AXDND1: variants seen among roughly 807,000 people sequenced by gnomAD.
The protein encoded by AXDND1 is axonemal dynein light chain domain-containing protein 1.
AXDND1 carries 110 observed loss-of-function variants against 137.5 expected under a neutral mutation model. The observed-to-expected ratio is 0.80, with a 90% confidence interval of 0.69 to 0.94. The LOEUF (loss-of-function observed/expected upper bound fraction) is 0.94, where lower values mean the gene tolerates loss of function less well. Ranked by LOEUF, AXDND1 falls within the 40% of genes least tolerant of loss-of-function variation. The pLI, the probability that AXDND1 is intolerant of heterozygous loss-of-function variation, is 0.00. For synonymous variants in AXDND1, 414 were observed against 399.7 expected, an observed-to-expected ratio of 1.04 and a Z score of -0.43; for missense variants, 1,191 against 1,169.8, an observed-to-expected ratio of 1.02 and a Z score of -0.26.
intron 16 of AXDND1, chr1:179,452,105 A>G (rs1280850092): frequency 2.0e-5 from 3 of 153,346 alleles, no homozygotes; most frequent in Non-Finnish European, 4.3e-5. Context: ...AATGATATGG[A>G]CAATGAAATC....
chr1:179,501,651 A>G (rs1351056411), intron 20 of AXDND1, among the ~76,000 whole-genome samples: 3 of 152,158 alleles, frequency 2.0e-5, no homozygotes, highest in Non-Finnish European at 2.9e-5. Context: ...GGCGGAGGTC[A>G]CAGTGAGCCA....
intron 9 of AXDND1, among the ~76,000 whole-genome samples, chr1:179,390,295 T>A (rs901542763): frequency 6.6e-6 from 1 of 152,226 alleles, no homozygotes; most frequent in African/African-American, 2.4e-5. Flanking sequence ...GTTACAGGTG[T>A]GAGCCATCAC....
intron 12 of AXDND1, among the ~76,000 whole-genome samples, chr1:179,418,722 C>A (rs1655130472): frequency 6.7e-6 from 1 of 149,994 alleles, no homozygotes; most frequent in Non-Finnish European, 1.5e-5. Context: ...GGGGGCTGAC[C>A]CCCACCTCCC....
intron 6 of AXDND1, among the ~76,000 whole-genome samples, chr1:179,382,146 T>C (rs1648461699): frequency 6.6e-6 from 1 of 151,778 alleles, no homozygotes; most frequent in African/African-American, 2.4e-5. Flanking sequence ...TGGCACGATC[T>C]CTGCTCACTG....
At chr1:179,479,753 G>A (rs963388986) in intron 17 of AXDND1, among the ~76,000 whole-genome samples, 4 of 151,928 alleles carry the variant, frequency 2.6e-5, no homozygotes, top group African/African-American at 4.8e-5. Flanking sequence ...CTTTAGCCTG[G>A]GCGACGGAGT....
chr1:179,505,821 T>C (rs535161311), intron 20 of AXDND1, among the ~76,000 whole-genome samples: 1 of 152,318 alleles, frequency 6.6e-6, no homozygotes, highest in South Asian at 2.1e-4. Context: ...CCAAGAGTAC[T>C]AAGGCAGTCC....
chr1:179,398,724 C>A (rs978402629), intron 11 of AXDND1, among the ~76,000 whole-genome samples: 3 of 152,028 alleles, frequency 2.0e-5, no homozygotes, highest in African/African-American at 7.2e-5. Context: ...TCACTCAGGG[C>A]AGGGGAGAGT....
chr1:179,483,024 A>G, intron 17 of AXDND1, 104 bp from the exon 18 acceptor site: 1 of 686,088 alleles, frequency 1.5e-6, no homozygotes, highest in African/African-American at 1.9e-5. Context: ...GTCAACATCT[A>G]AGTTTACAAT....
At chr1:179,489,616 T>C (rs1666605194) in intron 18 of AXDND1, among the ~76,000 whole-genome samples, 1 of 152,212 alleles carries the variant, frequency 6.6e-6, no homozygotes, top group Non-Finnish European at 1.5e-5. Context: ...AGGTTGCCCC[T>C]TTTCCTGATA....
Position 179,516,882 on chromosome 1 carries a change from A to C in AXDND1, c.2496+7479A>C, listed in dbSNP as rs993990303. Among the ~76,000 whole-genome samples, 45 of 152,000 alleles carry C rather than the reference A, an allele frequency of 3.0e-4. 1 individual carries two copies. Among genetic ancestry groups the C allele is most frequent in the Non-Finnish European group, 1.6e-4 (11 of 67,992 alleles). On this transcript the variant is annotated intron_variant, in intron 21 of 25. Coordinates refer to ENST00000367618, the MANE Select transcript of AXDND1 (RefSeq NM_144696.6). ...GGCAGCGGGGGTGAAACAGTTCGTGAGGGTTCTTAGCTTTGGTGGTTTAAT... is the reference window on the plus strand; with the variant it reads ...GGCAGCGGGGGTGAAACAGTTCGTGCGGGTTCTTAGCTTTGGTGGTTTAAT...
chr1:179,481,267 AATG>A (rs1665343880), intron 17 of AXDND1, among the ~76,000 whole-genome samples: 1 of 152,054 alleles, frequency 6.6e-6, no homozygotes, highest in Non-Finnish European at 1.5e-5. Context: ...GTTTGCTGAG[AATG>A]ATGGTTTCCA....
chr1:179,376,471 C>G (rs530710810), intron 4 of AXDND1, among the ~76,000 whole-genome samples: 1 of 152,248 alleles, frequency 6.6e-6, no homozygotes, highest in East Asian at 1.9e-4. Context: ...CTGTGTTGTT[C>G]AAGGGTCAAC....
At chr1:179,371,932 A>G (rs932988867) in intron 4 of AXDND1, among the ~76,000 whole-genome samples, 5 of 152,240 alleles carry the variant, frequency 3.3e-5, no homozygotes, top group African/African-American at 1.2e-4. Flanking sequence ...CCAAATGAGC[A>G]TAGAATTGGA....
rs1376363147 is a variant in AXDND1 at position 179,378,719 on chromosome 1, T to C, written c.457T>C (p.Ser153Pro). Residue 153 changes from serine (S) to proline (P), a missense_variant, in exon 5 of 26, where the codon TCA (serine) becomes CCA (proline). Physicochemically the swap from Ser to Pro is moderately conservative, Grantham distance 74 (BLOSUM62 -1). Coordinates refer to ENST00000367618, the MANE Select transcript of AXDND1 (RefSeq NM_144696.6). The part of the protein sequence containing the change: ...KAVCPPHLAR[S>P]LQSHDGVIVP... ...AGTTTGTCCCCCACATTTGGCCCGTTCATTACAGTCACATGATGGTGTCAT... is the reference window on the plus strand; with the variant it reads ...AGTTTGTCCCCCACATTTGGCCCGTCCATTACAGTCACATGATGGTGTCAT... The C allele has an allele frequency of 6.3e-7, 1 of 1,589,052 alleles. No homozygotes were observed. Among genetic ancestry groups the C allele is most frequent in the Non-Finnish European group, 8.6e-7 (1 of 1,166,006 alleles).
chr1:179,421,367 C>CTTTTTTTTTTTTT (rs199703017), intron 12 of AXDND1, among the ~76,000 whole-genome samples: 4 of 107,212 alleles, frequency 3.7e-5, no homozygotes, highest in Admixed American at 9.8e-5. Flanking sequence ...TTTTCTTTTC[C>CTTTTTTTTTTTTT]TTTTTTTTTT....
intron 16 of AXDND1, among the ~76,000 whole-genome samples, chr1:179,464,325 C>G (rs1011043065): frequency 3.9e-5 from 6 of 152,176 alleles, no homozygotes; most frequent in Admixed American, 3.9e-4. Context: ...GATAAAATCT[C>G]TCAGCATTTG....
At chr1:179,434,380 C>G (rs1657830685) in intron 15 of AXDND1, among the ~76,000 whole-genome samples, 1 of 152,094 alleles carries the variant, frequency 6.6e-6, no homozygotes, top group African/African-American at 2.4e-5. Context: ...ATACCAAAAC[C>G]TGGCAGAGAC....
chr1:179,403,964 G>A (rs4652377), intron 11 of AXDND1, among the ~76,000 whole-genome samples: 97,267 of 151,554 alleles, frequency 0.64, 31,548 homozygotes, highest in Middle Eastern at 0.7. Flanking sequence ...CGTATGTACT[G>A]TAGTTAATTT....
At chr1:179,439,022 G>T (rs1658610256) in intron 15 of AXDND1, among the ~76,000 whole-genome samples, 1 of 152,004 alleles carries the variant, frequency 6.6e-6, no homozygotes, top group Admixed American at 6.5e-5. Flanking sequence ...GTATAAAGAA[G>T]AAGCATTAAA....
Sources: allele counts gnomAD v4.1 joint callset (sites outside exome capture counted in the v4.1 genomes callset), GRCh38; gene constraint gnomAD v4.1.1; transcripts MANE v1.5; gene names NCBI Gene and HGNC (gene_info 2026-07-23, HGNC 2026-07-21).